The following UBE3B variants were observed in gnomAD, a reference collection of about 807,000 sequenced individuals.
UBE3B encodes ubiquitin-protein ligase E3B.
In UBE3B, 80 loss-of-function variants were observed where a neutral mutation model predicts 132.3. The observed-to-expected ratio is 0.60, with a 90% confidence interval of 0.50 to 0.73. The LOEUF (loss-of-function observed/expected upper bound fraction) is 0.73. UBE3B is among the 30% of genes least tolerant of loss of function. The pLI, the probability that UBE3B is intolerant of heterozygous loss-of-function variation, is 0.00. For synonymous variants in UBE3B, 487 were observed against 520.4 expected, an observed-to-expected ratio of 0.94 and a Z score of 0.87; for missense variants, 1,196 against 1,362.5, an observed-to-expected ratio of 0.88 and a Z score of 1.92.
chr12:109,502,354 G>A (rs1020323562), intron 13 of UBE3B, among the ~76,000 whole-genome samples: 4 of 152,186 alleles, frequency 2.6e-5, no homozygotes, highest in African/African-American at 9.6e-5. Context: ...CTATCGCAGG[G>A]TCAGTAATGG....
intron 4 of UBE3B, 142 bp downstream of exon 4, chr12:109,484,123 C>T: frequency 1.1e-6 from 1 of 920,698 alleles, no homozygotes; most frequent in Non-Finnish European, 1.6e-6. Context: ...TTCTTGGGAC[C>T]TGTTTTGGAG....
At position 109,501,327 on chromosome 12, in the gene UBE3B, A is replaced by G. The variant is rs779736754; in HGVS notation, c.1119-44A>G. ...CTGTGTGGGCTGGCCCTGGCCCTGC[A>G]TCAGATGGAACTGACAGACCAGGTC... On this transcript the variant is annotated intron_variant, in intron 12 of 27. Coordinates refer to ENST00000342494, the MANE Select transcript of UBE3B (RefSeq NM_130466.4). 10 of 1,610,684 alleles carry G rather than the reference A, an allele frequency of 6.2e-6. No individual in the cohort carries two copies. In the Admixed American group the frequency reaches 1.5e-4, roughly 24 times the overall value.
At chr12:109,490,685 T>C (rs1297662836) in intron 8 of UBE3B, 1 of 1,458,458 alleles carries the variant, frequency 6.9e-7, no homozygotes, top group Non-Finnish European at 9.0e-7. Flanking sequence ...GTATTAGCTG[T>C]TTTTTTAACT....
At position 109,511,220 on chromosome 12, in the gene UBE3B, G is replaced by A. The variant is rs183250703; in HGVS notation, c.1873G>A (p.Val625Met). The change falls in exon 18 of 28, where the codon GTG becomes ATG. Residue 625 changes from valine (V) to methionine (M), a missense_variant. Transcript: ENST00000342494. ...CTTCTCAAGGGATCTCAAACCTAGC[G>A]TGCTCTTCCAAGAACTCGACAGGGA... ...HWLRKDLKPS[V>M]LFQELDRDRK... 2.7e-5 allele frequency: 44 copies of A among 1,614,010 alleles called. No individual in the cohort carries two copies. The highest frequency in any genetic ancestry group is 1.5e-4 in the Admixed American group (9 of 60,010).
Position 109,522,445 on chromosome 12 carries a change from G to C in UBE3B, c.2364+894G>C, listed in dbSNP as rs1432405622. On this transcript the variant is annotated intron_variant, in intron 21 of 27. Coordinates refer to ENST00000342494, the MANE Select transcript of UBE3B (RefSeq NM_130466.4). The surrounding 1 kb of genome is among the most constrained non-coding windows in gnomAD (Gnocchi z 4.2). Reference sequence around the variant, plus strand: ...GAAAGCTGCAGCACAAGCCCAGCCAGTCTGTGTGGCCTTCGCAGTGGGCTC... The same window carrying C: ...GAAAGCTGCAGCACAAGCCCAGCCACTCTGTGTGGCCTTCGCAGTGGGCTC... Among the ~76,000 whole-genome samples the C allele has an allele frequency of 6.6e-6, 1 of 152,230 alleles. No homozygotes were observed. The highest frequency in any genetic ancestry group is 1.9e-4 in the East Asian group (1 of 5,196).
chr12:109,510,311 C>CTT, intron 16 of UBE3B, 33 bp from the exon 17 acceptor site: 1 of 1,549,430 alleles, frequency 6.5e-7, no homozygotes, highest in Non-Finnish European at 8.8e-7. Flanking sequence ...GCTCTGACTC[C>CTT]TCCTCTGACT....
intron 14 of UBE3B, 103 bp downstream of exon 14, chr12:109,503,293 G>A: frequency 6.9e-7 from 1 of 1,456,544 alleles, no homozygotes; most frequent in Non-Finnish European, 9.2e-7. Flanking sequence ...TCTGAAAATA[G>A]ATTCTGAAGG....
At chr12:109,490,665 G>C (rs1877323631) in intron 8 of UBE3B, 3 of 1,497,816 alleles carry the variant, frequency 2.0e-6, no homozygotes, top group Non-Finnish European at 2.7e-6. Flanking sequence ...TTTTAAGTCT[G>C]GCATTATTTG....
chr12:109,487,493 G>T (rs1346014751), intron 6 of UBE3B, among the ~76,000 whole-genome samples: 3 of 152,200 alleles, frequency 2.0e-5, no homozygotes, highest in East Asian at 3.8e-4. Context: ...CTCTTGCCAT[G>T]CCTGGCTTGT....
rs765224973 is a variant in UBE3B at position 109,483,636 on chromosome 12, C to G, written c.85C>G (p.Arg29Gly). 1.2e-6 allele frequency: 2 copies of G among 1,613,236 alleles called. No individual in the cohort carries two copies. The highest frequency in any genetic ancestry group is 1.7e-6 in the Non-Finnish European group (2 of 1,179,810). ...AGAAGAAAGGCTTGTGCAGAAGGAA[C>G]GGGAGCGGGCAGCTGTTGTGATCCA... ...AREERLVQKE[R>G]ERAAVVIQAH... The change falls in exon 3 of 28, where the codon CGG becomes GGG. Residue 29 changes from arginine (R) to glycine (G), a missense_variant. Physicochemically the swap from Arg to Gly is moderately radical, Grantham distance 125. Transcript: ENST00000342494.
chr12:109,534,752 C>A lies in UBE3B; in HGVS notation c.3177C>A (p.Ile1059=). 1.3e-6 allele frequency: 2 copies of A among 1,578,464 alleles called. No homozygotes were observed. Among genetic ancestry groups the A allele is most frequent in the East Asian group, 2.3e-5 (1 of 43,784 alleles). The part of the protein sequence containing the change: ...SVLREKLRYA[I]SMNTGFELS ...TCCGCGAGAAGCTGCGCTACGCCAT[C>A]AGCATGAACACGGGCTTTGAACTCT... The change falls in exon 28 of 28, where the codon ATC becomes ATA. Residue 1059 remains isoleucine, a synonymous_variant. Transcript: ENST00000342494. The surrounding 1 kb of genome is among the most constrained non-coding windows in gnomAD (Gnocchi z 5.2).
At chr12:109,543,875 G>C in the UBE3B span, among the ~76,000 whole-genome samples, 1 of 152,050 alleles carries the variant, frequency 6.6e-6, no homozygotes, top group African/African-American at 2.4e-5. Flanking sequence ...CTAGCCCACA[G>C]CCAGAGATGG....
intron 15 of UBE3B, 101 bp downstream of exon 15, chr12:109,507,836 A>T: frequency 7.4e-6 from 10 of 1,359,284 alleles, no homozygotes; most frequent in Non-Finnish European, 1.0e-5. Context: ...TACTGCAAAC[A>T]TTTGGACCTG....
At position 109,521,978 on chromosome 12, in the gene UBE3B, T is replaced by C. The variant is rs1435244866; in HGVS notation, c.2364+427T>C. ...GGGTCCCCGTTGTAGGAGGGCAGCATTTTGTGGAGTTTGATAGTTTTAAAA... is the reference window on the plus strand; with the variant it reads ...GGGTCCCCGTTGTAGGAGGGCAGCACTTTGTGGAGTTTGATAGTTTTAAAA... On this transcript the variant is annotated intron_variant, in intron 21 of 27. Transcript: ENST00000342494. This position sits in a 1 kb window ranked among gnomAD's most constrained non-coding sequence, Gnocchi z 4.2. Among the ~76,000 whole-genome samples, 1 of 152,130 alleles carries C rather than the reference T, an allele frequency of 6.6e-6. No homozygotes were observed. The highest frequency in any genetic ancestry group is 6.5e-5 in the Admixed American group (1 of 15,280).
the UBE3B span, among the ~76,000 whole-genome samples, chr12:109,544,771 A>G: frequency 6.6e-6 from 1 of 152,104 alleles, no homozygotes; most frequent in Non-Finnish European, 1.5e-5. Flanking sequence ...AAACTCAGGT[A>G]TTTTTCCCAG....
intron 13 of UBE3B, 97 bp downstream of exon 13, chr12:109,501,631 G>A: frequency 4.9e-6 from 7 of 1,420,740 alleles, no homozygotes; most frequent in South Asian, 1.4e-5. Context: ...TTTGTGGGAT[G>A]CTCTAACTTT....
At chr12:109,490,365 T>G in intron 8 of UBE3B, 1 of 1,482,080 alleles carries the variant, frequency 6.7e-7, no homozygotes. Context: ...CCTTTCCACT[T>G]TGTACCTTGT....
intron 13 of UBE3B, 88 bp from the exon 14 acceptor site, chr12:109,502,935 A>G: frequency 6.5e-7 from 1 of 1,532,472 alleles, no homozygotes; most frequent in East Asian, 2.3e-5. Flanking sequence ...GTGCATTTAG[A>G]GCTTTACTGA....
intron 18 of UBE3B, among the ~76,000 whole-genome samples, chr12:109,514,702 G>C (rs1227456106): frequency 2.6e-5 from 4 of 151,972 alleles, no homozygotes; most frequent in Non-Finnish European, 5.9e-5. Flanking sequence ...GCCATGGAGG[G>C]GAGAGGTAGG....
Sources: allele counts gnomAD v4.1 joint callset (sites outside exome capture counted in the v4.1 genomes callset), GRCh38; gene constraint gnomAD v4.1.1; non-coding constraint Gnocchi (gnomAD v3.1); transcripts MANE v1.5; gene names NCBI Gene and HGNC (gene_info 2026-07-23, HGNC 2026-07-21).